The following CDYL variants were observed in gnomAD, a reference collection of about 807,000 sequenced individuals.
CDYL encodes the protein chromodomain Y like.
In CDYL, 8 loss-of-function variants were observed where a neutral mutation model predicts 47.3. That is an observed-to-expected ratio of 0.17 (90% confidence interval 0.10 to 0.31). The LOEUF is 0.31. CDYL is among the 10% of genes least tolerant of loss of function. CDYL has a pLI of 1.00. For missense variants in CDYL, 471 were observed against 701.4 expected, an observed-to-expected ratio of 0.67 and a Z score of 3.71; for synonymous variants, 266 against 265.0, an observed-to-expected ratio of 1.00 and a Z score of -0.04.
intron 1 of CDYL, among the ~76,000 whole-genome samples, chr6:4,817,849 C>A (rs1463955624): frequency 1.3e-5 from 2 of 152,174 alleles, no homozygotes; most frequent in Non-Finnish European, 2.9e-5. Flanking sequence ...GAAATAACAT[C>A]TTTTTCATAT....
intron 2 of CDYL, among the ~76,000 whole-genome samples, chr6:4,905,056 C>T (rs1027401158): frequency 3.9e-5 from 6 of 152,116 alleles, no homozygotes; most frequent in African/African-American, 1.4e-4. Context: ...AGTGCTCTAC[C>T]CCTAGCGTGA....
At chr6:4,787,592 C>A (rs1021186062) in intron 1 of CDYL, among the ~76,000 whole-genome samples, 7 of 152,034 alleles carry the variant, frequency 4.6e-5, no homozygotes, top group Non-Finnish European at 1.0e-4. Flanking sequence ...AGACCAGACA[C>A]ATTCAGCTTG....
chr6:4,917,034 T>A lies in CDYL; in HGVS notation c.692-18481T>A, dbSNP rs144483383. 2.0e-5 allele frequency among the ~76,000 whole-genome samples: 3 copies of A among 152,344 alleles called. No individual in the cohort carries two copies. In the East Asian group the frequency reaches 5.8e-4, roughly 29 times the overall value. On this transcript the variant is annotated intron_variant, in intron 2 of 6. Transcript: ENST00000397588. The stretch of plus-strand genomic sequence containing the variant: ...TTAGGAAGGAAAAAATAGCTCTGTA[T>A]ACAGGGGCAATGCTAGGAAAACTGT...
intron 3 of CDYL, chr6:4,734,944 C>T: frequency 6.6e-7 from 1 of 1,525,786 alleles, no homozygotes; most frequent in Non-Finnish European, 8.8e-7. Context: ...TTACATCTGT[C>T]CTGTGCTTGG....
intron 1 of CDYL, among the ~76,000 whole-genome samples, chr6:4,841,664 G>C (rs1760493951): frequency 6.6e-6 from 1 of 152,028 alleles, no homozygotes; most frequent in African/African-American, 2.4e-5. Context: ...TGATCATTCA[G>C]GAGCAGGTTA....
intron 1 of CDYL, among the ~76,000 whole-genome samples, chr6:4,875,001 A>G (rs1043415058): frequency 6.6e-6 from 1 of 152,186 alleles, no homozygotes; most frequent in African/African-American, 2.4e-5. Flanking sequence ...GGCTATGAAC[A>G]TTCTTGCGTG....
At chr6:4,898,948 G>T (rs570332248) in intron 2 of CDYL, among the ~76,000 whole-genome samples, 5 of 152,164 alleles carry the variant, frequency 3.3e-5, no homozygotes, top group African/African-American at 4.8e-5. Context: ...GCCCTCTCTT[G>T]TGTAAAGCAT....
At chr6:4,721,763 TCAAA>T (rs1757374177) in intron 2 of CDYL, among the ~76,000 whole-genome samples, 1 of 152,126 alleles carries the variant, frequency 6.6e-6, no homozygotes, top group South Asian at 2.1e-4. Flanking sequence ...GTGAAAAGAT[TCAAA>T]CAGACACAAA....
At chr6:4,881,681 CATT>C (rs1453925982) in intron 1 of CDYL, among the ~76,000 whole-genome samples, 1 of 152,156 alleles carries the variant, frequency 6.6e-6, no homozygotes, top group Non-Finnish European at 1.5e-5. Flanking sequence ...TTGCATTAAA[CATT>C]ATTACACTGT....
Position 4,881,887 on chromosome 6 carries a change from G to T in CDYL, c.25-9826G>T, listed in dbSNP as rs549446368. Among the ~76,000 whole-genome samples the T allele has an allele frequency of 2.6e-3, 399 of 152,316 alleles. 2 individuals carry two copies. The highest frequency in any genetic ancestry group is 9.3e-3 in the African/African-American group (386 of 41,574). ...GGTCTTCTGCATTTCTGCACCTTTT[G>T]CAAGCAGTGCACTGGCTGTGTTTCT... On this transcript the variant is annotated intron_variant, in intron 1 of 6. Transcript: ENST00000397588.
intron 2 of CDYL, among the ~76,000 whole-genome samples, chr6:4,914,121 T>C (rs1172294735): frequency 6.6e-6 from 1 of 152,144 alleles, no homozygotes; most frequent in Non-Finnish European, 1.5e-5. Flanking sequence ...TCTTTGGTTG[T>C]TCTGGTCTTA....
chr6:4,878,210 GT>G, intron 1 of CDYL, among the ~76,000 whole-genome samples: 1 of 152,008 alleles, frequency 6.6e-6, no homozygotes, highest in South Asian at 2.1e-4. Flanking sequence ...ATAATTTACT[GT>G]TTTTATCTAC....
chr6:4,954,178 C>T lies in CDYL; in HGVS notation c.*122C>T, dbSNP rs11754078. Reference sequence around the variant, plus strand: ...CTCACCCGTAGCTTACGCTTGGAAGCAGGACTGGGAACATCCACGCTATTT... The same window carrying T: ...CTCACCCGTAGCTTACGCTTGGAAGTAGGACTGGGAACATCCACGCTATTT... On this transcript the variant is annotated 3_prime_UTR_variant, in exon 7 of 7. Transcript: ENST00000397588. 0.11 allele frequency: 117,415 copies of T among 1,026,384 alleles called. 7,654 individuals are homozygous for T. The highest frequency in any genetic ancestry group is 0.13 in the Non-Finnish European group (92,997 of 721,136). 63.6% of individuals were successfully genotyped at this position (1,026,384 alleles called of 1,614,324 possible).
Position 4,758,489 on chromosome 6 carries a change from A to G in CDYL, c.186+23645A>G, listed in dbSNP as rs1582316543. 7.2e-5 allele frequency among the ~76,000 whole-genome samples: 11 copies of G among 151,890 alleles called. No individual in the cohort carries two copies. In the South Asian group the frequency reaches 2.3e-3, roughly 32 times the overall value. On this transcript the variant is annotated intron_variant, in intron 3 of 8. Coordinates refer to the CDYL transcript ENST00000328908. Reference sequence around the variant, plus strand: ...CAGCCTGGCCAAAGTGACAAAACCCATCTCTACTAAAAATACAAAAGAAAT... The same window carrying G: ...CAGCCTGGCCAAAGTGACAAAACCCGTCTCTACTAAAAATACAAAAGAAAT...
At chr6:4,758,351 A>AAAAAAAATATATATATATAT (rs1554134098) in intron 3 of CDYL, among the ~76,000 whole-genome samples, 7 of 129,072 alleles carry the variant, frequency 5.4e-5, no homozygotes, top group African/African-American at 1.8e-4. Context: ...AAAATAAATA[A>AAAAAAAATATATATATATAT]ATATATATAT....
intron 4 of CDYL, among the ~76,000 whole-genome samples, chr6:4,942,014 A>G (rs368549132): frequency 6.6e-6 from 1 of 152,162 alleles, no homozygotes; most frequent in African/African-American, 2.4e-5. Context: ...TTGACCCCAT[A>G]TCTTCAAAAG....
rs372495190 is a variant in CDYL, at chr6:4,725,505, C to T, written c.104-9257C>T. ...GAGGCCTGGGGAGGCAGCTAAGGCC[C>T]GGCGAGAAGTCGAGCACAGCAGCTG... On this transcript the variant is annotated intron_variant, in intron 2 of 8. Transcript: ENST00000328908. 5.9e-5 allele frequency among the ~76,000 whole-genome samples: 9 copies of T among 152,338 alleles called. No homozygotes were observed. The South Asian group carries it at 1.0e-3, about 18-fold the overall frequency.
At chr6:4,741,644 A>C (rs1012043765) in intron 3 of CDYL, among the ~76,000 whole-genome samples, 1 of 152,132 alleles carries the variant, frequency 6.6e-6, no homozygotes, top group African/African-American at 2.4e-5. Context: ...TTGCAACCCA[A>C]CTACTTTTAT....
intron 5 of CDYL, among the ~76,000 whole-genome samples, chr6:4,944,129 G>T (rs73352347): frequency 0.013 from 2,050 of 152,288 alleles, 49 homozygotes; most frequent in African/African-American, 0.047. Flanking sequence ...GAGGGTTGTC[G>T]TCCATATAAT....
Sources: allele counts gnomAD v4.1 joint callset (sites outside exome capture counted in the v4.1 genomes callset), GRCh38; gene constraint gnomAD v4.1.1; transcripts MANE v1.5; gene names NCBI Gene and HGNC (gene_info 2026-07-23, HGNC 2026-07-21).